Variants in KDM3A observed in about 807,000 individuals in gnomAD.
KDM3A encodes lysine-specific demethylase 3A.
A neutral mutation model predicts 158.0 loss-of-function variants in KDM3A; 60 were observed. The observed-to-expected ratio is 0.38, with a 90% CI of 0.31 to 0.47. The LOEUF (loss-of-function observed/expected upper bound fraction) is 0.47. KDM3A is among the 20% of genes least tolerant of loss of function. The pLI is 0.99. For missense variants in KDM3A, 1,319 were observed against 1,574.3 expected, an observed-to-expected ratio of 0.84 and a Z score of 2.74; for synonymous variants, 608 against 549.3, an observed-to-expected ratio of 1.11 and a Z score of -1.49.
At chr2:86,449,332 A>T (rs889241662) in intron 2 of KDM3A, among the ~76,000 whole-genome samples, 1 of 152,172 alleles carries the variant, frequency 6.6e-6, no homozygotes, top group Non-Finnish European at 1.5e-5. Flanking sequence ...TGCTAAATTT[A>T]CTCATTCCAG....
chr2:86,480,255 C>T lies in KDM3A; in HGVS notation c.2405C>T (p.Ala802Val). The T allele has an allele frequency of 6.2e-7, 1 of 1,613,810 alleles. No individual in the cohort carries two copies. Among genetic ancestry groups the T allele is most frequent in the Admixed American group, 1.7e-5 (1 of 60,032 alleles). Reference protein sequence around the residue: ...VLEPAAVGGEAASKPAGSMKP... With the variant: ...VLEPAAVGGEVASKPAGSMKP... ...GAGCCAGCAGCTGTGGGTGGGGAAG[C>T]AGCCTCCAAGCCAGCCGGCAGCATG... The change falls in exon 16 of 26, where the codon GCA becomes GTA. Residue 802 changes from alanine (A) to valine (V), a missense_variant. Transcript: ENST00000312912.
intron 12 of KDM3A, 130 bp from the exon 13 acceptor site, chr2:86,477,747 T>A: frequency 1.2e-6 from 1 of 802,820 alleles, no homozygotes; most frequent in Non-Finnish European, 1.9e-6. Context: ...GGACAGCATT[T>A]GCAATGAAGC....
At chr2:86,439,951 T>C (rs1682596639), upstream of KDM3A, among the ~76,000 whole-genome samples, 1 of 152,208 alleles carries the variant, frequency 6.6e-6, no homozygotes, top group African/African-American at 2.4e-5. Flanking sequence ...TATAGCTGGA[T>C]TGTCCTTTTA....
chr2:86,445,819 A>G (rs1033997577), intron 2 of KDM3A, among the ~76,000 whole-genome samples: 6 of 152,244 alleles, frequency 3.9e-5, no homozygotes, highest in South Asian at 2.1e-4. Flanking sequence ...ATCTTCGACA[A>G]ACATTTAGGC....
intron 10 of KDM3A, among the ~76,000 whole-genome samples, chr2:86,468,783 T>TA (rs886270322): frequency 5.3e-5 from 8 of 152,294 alleles, no homozygotes; most frequent in South Asian, 2.1e-4. Context: ...TTCAGATAGA[T>TA]ACGTGGCTCC....
At chr2:86,463,381 A>G (rs1211558013) in intron 8 of KDM3A, among the ~76,000 whole-genome samples, 1 of 150,778 alleles carries the variant, frequency 6.6e-6, no homozygotes, top group Non-Finnish European at 1.5e-5. Flanking sequence ...ATTTTTGTGA[A>G]TGGTATAAAC....
At chr2:86,464,032 T>C (rs763131270) in intron 8 of KDM3A, 21 bp from the exon 9 acceptor site, 2 of 1,491,328 alleles carry the variant, frequency 1.3e-6, no homozygotes, top group South Asian at 1.3e-5. Flanking sequence ...TTTTAATATC[T>C]GTTGGTTTGG....
intron 8 of KDM3A, 124 bp from the exon 9 acceptor site, chr2:86,463,929 C>G (rs1673027324): frequency 1.6e-6 from 1 of 628,662 alleles, no homozygotes; most frequent in Non-Finnish European, 2.5e-6. Context: ...TTTCCTGTTT[C>G]TTTTTATTTG....
At chr2:86,458,221 C>T (rs1672784878) in intron 8 of KDM3A, among the ~76,000 whole-genome samples, 1 of 152,158 alleles carries the variant, frequency 6.6e-6, no homozygotes, top group South Asian at 2.1e-4. Context: ...CACACAAACA[C>T]TTGAGTCTGT....
chr2:86,450,166 A>G (rs1672382783), intron 3 of KDM3A, among the ~76,000 whole-genome samples: 2 of 152,232 alleles, frequency 1.3e-5, no homozygotes, highest in Non-Finnish European at 2.9e-5. Flanking sequence ...GGATGGAGGT[A>G]GTAGTGGGAA....
At chr2:86,469,784 A>G (rs1673320755) in intron 10 of KDM3A, among the ~76,000 whole-genome samples, 1 of 152,156 alleles carries the variant, frequency 6.6e-6, no homozygotes, top group South Asian at 2.1e-4. Flanking sequence ...CACACCTTAA[A>G]CCAGTCTTTT....
chr2:86,491,187 C>G lies in KDM3A; in HGVS notation c.3797C>G (p.Ser1266Cys), dbSNP rs756164502. 8 of 1,613,808 alleles carry G rather than the reference C, an allele frequency of 5.0e-6. No individual in the cohort carries two copies. The highest frequency in any genetic ancestry group is 5.9e-6 in the Non-Finnish European group (7 of 1,179,842). The stretch of plus-strand genomic sequence containing the variant: ...ATCAAAGTGGCTGAAGATTTTGTTT[C>G]TCCAGAGCATGTTAAACACTGCTTC... ...SCIKVAEDFVSPEHVKHCFWL... is the reference protein window; with the variant it reads ...SCIKVAEDFVCPEHVKHCFWL... Residue 1266 changes from serine (S) to cysteine (C), a missense_variant, in exon 25 of 26, where the codon TCT (serine) becomes TGT (cysteine). Transcript: ENST00000312912.
intron 2 of KDM3A, among the ~76,000 whole-genome samples, chr2:86,445,136 G>T (rs896498012): frequency 3.9e-5 from 6 of 152,078 alleles, no homozygotes; most frequent in African/African-American, 7.2e-5. Flanking sequence ...GTAGAGCGAG[G>T]TTAGAGCATT....
At chr2:86,449,983 T>C (rs1480623703) in intron 3 of KDM3A, 21 bp downstream of exon 3, 12 of 1,600,508 alleles carry the variant, frequency 7.5e-6, no homozygotes, top group African/African-American at 2.7e-5. Context: ...CTTGGGCTTA[T>C]TGAACTCCTG....
chr2:86,445,130 A>G (rs942337603), intron 2 of KDM3A, among the ~76,000 whole-genome samples: 1 of 152,210 alleles, frequency 6.6e-6, no homozygotes, highest in Non-Finnish European at 1.5e-5. Context: ...ATTCAGGTAG[A>G]GCGAGGTTAG....
At chr2:86,468,294 C>T (rs1673249402) in intron 10 of KDM3A, among the ~76,000 whole-genome samples, 1 of 152,122 alleles carries the variant, frequency 6.6e-6, no homozygotes, top group South Asian at 2.1e-4. Context: ...ATAAGATTAT[C>T]CTGTTCTCAG....
chr2:86,453,935 T>C (rs1431563964), intron 4 of KDM3A, among the ~76,000 whole-genome samples: 10 of 152,216 alleles, frequency 6.6e-5, no homozygotes, highest in Admixed American at 6.5e-4. Context: ...TTCTTTGCCC[T>C]GCTAGAATTC....
At chr2:86,472,963 T>C (rs112147824) in intron 11 of KDM3A, among the ~76,000 whole-genome samples, 2,900 of 152,312 alleles carry the variant, frequency 0.019, 52 homozygotes, top group East Asian at 0.075. Flanking sequence ...GCAAGCTCAA[T>C]TACTCTCTTT....
At chr2:86,457,096 G>A (rs1424109309) in intron 8 of KDM3A, 25 bp downstream of exon 8, 3 of 1,197,076 alleles carry the variant, frequency 2.5e-6, no homozygotes, top group East Asian at 2.6e-5. Flanking sequence ...TGTCACTTGT[G>A]TAAAGCTTTC....
Sources: gnomAD v4.1 joint callset for allele counts (sites outside exome capture counted in the v4.1 genomes callset) on GRCh38, gnomAD v4.1.1 for gene constraint, MANE v1.5 for transcripts, NCBI Gene and HGNC (gene_info 2026-07-23, HGNC 2026-07-21) for gene names.